SUGCT: variants seen among roughly 807,000 people sequenced by gnomAD.
The protein encoded by SUGCT is succinyl-CoA:glutarate CoA-transferase.
SUGCT carries 41 observed loss-of-function variants against 55.0 expected under a neutral mutation model. The observed-to-expected ratio is 0.74, with a 90% CI of 0.58 to 0.97. The LOEUF (loss-of-function observed/expected upper bound fraction) is 0.97. SUGCT is among the 50% of genes least tolerant of loss of function. SUGCT has a pLI of 0.00. For synonymous variants in SUGCT, 187 were observed against 200.4 expected (o/e 0.93, Z 0.56); for missense variants, 568 against 547.8 (o/e 1.04, Z -0.37).
At position 40,566,118 on chromosome 7, in the gene SUGCT, T is replaced by A. The variant is rs192162653; in HGVS notation, c.1089+69732T>A. On this transcript the variant is annotated intron_variant, in intron 12 of 13. Transcript: ENST00000335693. ...GAATGACTCTGCTTCCCATGGAGCG[T>A]CTACAGTGTAGTCTTCTTAATCTTG... Among the ~76,000 whole-genome samples the A allele has an allele frequency of 9.7e-4, 147 of 152,250 alleles. 1 individual carries two copies. The highest frequency in any genetic ancestry group is 3.4e-3 in the African/African-American group (141 of 41,556).
At chr7:40,138,415 A>T (rs1171871558) in intron 1 of SUGCT, among the ~76,000 whole-genome samples, 1 of 152,148 alleles carries the variant, frequency 6.6e-6, no homozygotes, top group African/African-American at 2.4e-5. Flanking sequence ...ACTTAGGTTG[A>T]TTTCATATCT....
the SUGCT span, among the ~76,000 whole-genome samples, chr7:40,992,519 G>A: frequency 2.1e-5 from 3 of 142,918 alleles, no homozygotes; most frequent in South Asian, 2.2e-4. Flanking sequence ...TTATTTTACC[G>A]AGTCCCTATT....
At chr7:40,313,708 C>A (rs1266196573) in intron 8 of SUGCT, among the ~76,000 whole-genome samples, 1 of 151,338 alleles carries the variant, frequency 6.6e-6, no homozygotes. Context: ...CCGCTAACTG[C>A]AGCCTTGACC....
the SUGCT span, among the ~76,000 whole-genome samples, chr7:40,995,751 T>C: frequency 6.6e-6 from 1 of 152,116 alleles, no homozygotes; most frequent in Non-Finnish European, 1.5e-5. Context: ...TTCATGGCAA[T>C]AGCTCCCTGG....
chr7:40,938,687 A>G, the SUGCT span, among the ~76,000 whole-genome samples: 6 of 151,722 alleles, frequency 4.0e-5, no homozygotes, highest in Admixed American at 3.3e-4. Context: ...GTATCAGTCC[A>G]TTTTCACACT....
At chr7:40,845,495 G>A (rs74471237) in intron 13 of SUGCT, among the ~76,000 whole-genome samples, 4,059 of 152,262 alleles carry the variant, frequency 0.027, 68 homozygotes, top group Middle Eastern at 0.058. Flanking sequence ...CCAAGGGGAT[G>A]ACAGAAAAGA....
At chr7:40,899,133 G>T in the SUGCT span, among the ~76,000 whole-genome samples, 1 of 152,244 alleles carries the variant, frequency 6.6e-6, no homozygotes, top group African/African-American at 2.4e-5. Flanking sequence ...GTGAGAGAGT[G>T]CCCTGCTGCT....
At chr7:40,781,432 G>A (rs1430225602) in intron 13 of SUGCT, among the ~76,000 whole-genome samples, 1 of 152,110 alleles carries the variant, frequency 6.6e-6, no homozygotes, top group African/African-American at 2.4e-5. Context: ...GCTGGCCTGA[G>A]AGCCAAACTC....
intron 12 of SUGCT, among the ~76,000 whole-genome samples, chr7:40,666,301 G>A (rs1207726982): frequency 1.3e-5 from 2 of 149,076 alleles, no homozygotes; most frequent in African/African-American, 5.0e-5. Context: ...AGTGAGCCAC[G>A]ATCACACCTT....
At chr7:40,886,595 A>G in the SUGCT span, among the ~76,000 whole-genome samples, 2 of 152,344 alleles carry the variant, frequency 1.3e-5, no homozygotes, top group East Asian at 3.9e-4. Context: ...TAGTGAATGA[A>G]GAAATAAGCT....
At chr7:40,605,577 G>T (rs1798487314) in intron 12 of SUGCT, among the ~76,000 whole-genome samples, 1 of 152,078 alleles carries the variant, frequency 6.6e-6, no homozygotes, top group Non-Finnish European at 1.5e-5. Flanking sequence ...CATTGTGTAG[G>T]GCTGTAGAGA....
At chr7:40,442,472 T>C (rs1489718332) in intron 9 of SUGCT, among the ~76,000 whole-genome samples, 1 of 152,162 alleles carries the variant, frequency 6.6e-6, no homozygotes, top group Non-Finnish European at 1.5e-5. Flanking sequence ...GGTGATGATA[T>C]CATGCAGTTT....
chr7:40,334,957 A>G (rs1442636305), intron 9 of SUGCT, among the ~76,000 whole-genome samples: 3 of 152,214 alleles, frequency 2.0e-5, no homozygotes, highest in African/African-American at 7.2e-5. Context: ...ATCCAGTTTC[A>G]GCTTTCTGCA....
At chr7:40,935,116 T>C in the SUGCT span, among the ~76,000 whole-genome samples, 3 of 152,224 alleles carry the variant, frequency 2.0e-5, no homozygotes, top group Non-Finnish European at 4.4e-5. Context: ...GAAGATAATA[T>C]AGAAAACATG....
At chr7:40,489,361 C>G (rs2151504751) in intron 11 of SUGCT, among the ~76,000 whole-genome samples, 1 of 151,428 alleles carries the variant, frequency 6.6e-6, no homozygotes, top group East Asian at 1.9e-4. Context: ...TCTGTATTTT[C>G]TTTAAGTTCA....
intron 12 of SUGCT, among the ~76,000 whole-genome samples, chr7:40,742,202 T>G (rs371376097): frequency 1.1e-4 from 17 of 152,340 alleles, no homozygotes; most frequent in East Asian, 5.8e-4. Flanking sequence ...TTTCATAGTT[T>G]TTTTAAATTA....
intron 9 of SUGCT, among the ~76,000 whole-genome samples, chr7:40,324,261 A>ATATATATATATTTATTTATT (rs377215730): frequency 1.9e-3 from 193 of 99,950 alleles, no homozygotes; most frequent in Middle Eastern, 5.6e-3. Flanking sequence ...AAATATATAT[A>ATATATATATATTTATTTATT]TATTTATTTT....
chr7:40,973,607 C>T, the SUGCT span, among the ~76,000 whole-genome samples: 7 of 152,178 alleles, frequency 4.6e-5, no homozygotes, highest in Non-Finnish European at 7.4e-5. Context: ...AAGCCTCCCA[C>T]GGGATAGGAC....
At chr7:40,266,427 A>G (rs1584507467) in intron 7 of SUGCT, among the ~76,000 whole-genome samples, 1 of 151,604 alleles carries the variant, frequency 6.6e-6, no homozygotes, top group Non-Finnish European at 1.5e-5. Flanking sequence ...GGGATTACAG[A>G]TGTGAGCCAC....
Sources: gnomAD v4.1 joint callset for allele counts (sites outside exome capture counted in the v4.1 genomes callset) on GRCh38, gnomAD v4.1.1 for gene constraint, MANE v1.5 for transcripts, NCBI Gene and HGNC (gene_info 2026-07-23, HGNC 2026-07-21) for gene names.